The following THBS1 variants were observed in gnomAD, a reference collection of about 807,000 sequenced individuals.
The protein encoded by THBS1 is thrombospondin 1, also known as thrombospondin-1.
Under a neutral mutation model 126.1 loss-of-function variants are expected in THBS1, and 29 were observed. That is an observed-to-expected ratio of 0.23 (90% CI 0.17 to 0.31). The LOEUF (loss-of-function observed/expected upper bound fraction) is 0.31. Among genes scored for constraint, THBS1 ranks in the 10% least tolerant of loss-of-function variants. The probability of loss-of-function intolerance (pLI) is 1.00; values close to 1 mark genes in which losing one functional copy is unlikely to be tolerated. For missense variants in THBS1, 1,198 were observed against 1,545.2 expected (o/e 0.78, Z 3.77); for synonymous variants, 496 against 577.8 (o/e 0.86, Z 2.03).
chr15:39,581,935 G>A lies in THBS1; in HGVS notation c.67+11G>A. 1 of 1,614,084 alleles carries A rather than the reference G, an allele frequency of 6.2e-7. No individual in the cohort carries two copies. The highest frequency in any genetic ancestry group is 1.1e-5 in the South Asian group (1 of 91,080). On this transcript the variant is annotated intron_variant, in intron 2 of 21. Transcript: ENST00000260356. ...CCAACCGCATTCCAGGTGAGTTTGTGTGGCACCTTTAGGGGAAGGAGGGAC... is the reference window on the plus strand; with the variant it reads ...CCAACCGCATTCCAGGTGAGTTTGTATGGCACCTTTAGGGGAAGGAGGGAC...
rs374856624 is a variant in THBS1 at position 39,589,818 on chromosome 15, G to A, written c.1940G>A (p.Arg647His). Residue 647 changes from arginine to histidine, a missense_variant, in exon 13 of 22, where the codon CGT becomes CAT. Physicochemically the swap from Arg to His is conservative, Grantham distance 29. Coordinates refer to ENST00000260356, the MANE Select transcript of THBS1 (RefSeq NM_003246.4). The surrounding 1 kb of genome is among the most constrained non-coding windows in gnomAD (Gnocchi z 4.7). ...ATANKQVCKP[R>H]NPCTDGTHDC... ...GTGTACCCTCAGGTGTGCAAGCCCCGTAACCCCTGCACGGATGGGACCCAC... is the reference window on the plus strand; with the variant it reads ...GTGTACCCTCAGGTGTGCAAGCCCCATAACCCCTGCACGGATGGGACCCAC... The A allele has an allele frequency of 2.6e-5, 42 of 1,611,620 alleles. No individual in the cohort carries two copies. The highest frequency in any genetic ancestry group is 4.5e-5 in the East Asian group (2 of 44,870).
At chr15:39,583,590 C>G (rs769606828) in intron 3 of THBS1, 27 bp from the exon 4 acceptor site, 2 of 1,024,082 alleles carry the variant, frequency 2.0e-6, no homozygotes, top group South Asian at 2.5e-5. Flanking sequence ...CTGCATTCTA[C>G]AAGTAATGTG....
In THBS1 at chr15:39,593,383, G is replaced by C. The variant is rs749789218; in HGVS notation, c.2996-14G>C. The C allele has an allele frequency of 4.3e-6, 7 of 1,613,492 alleles. No individual in the cohort carries two copies. In the South Asian group the frequency reaches 5.5e-5, roughly 13 times the overall value. On this transcript the variant is annotated splice_polypyrimidine_tract_variant and intron_variant, in intron 18 of 21. Coordinates refer to ENST00000260356, the MANE Select transcript of THBS1 (RefSeq NM_003246.4). The surrounding 1 kb of genome is among the most constrained non-coding windows in gnomAD (Gnocchi z 5.9). The stretch of plus-strand genomic sequence containing the variant: ...GGCTGCAGGTTTTAACCTGGCTCTG[G>C]GCTCTTCTTCCAGGTTATGATGAGT...
intron 5 of THBS1, 43 bp from the exon 6 acceptor site, chr15:39,584,257 C>G: frequency 6.2e-7 from 1 of 1,614,178 alleles, no homozygotes; most frequent in South Asian, 1.1e-5. Flanking sequence ...TCCCAAATGA[C>G]TGAAAATGCG....
chr15:39,582,693 G>C lies in THBS1; in HGVS notation c.568G>C (p.Asp190His). 6.2e-7 allele frequency: 1 copy of C among 1,613,480 alleles called. No homozygotes were observed. The highest frequency in any genetic ancestry group is 8.5e-7 in the Non-Finnish European group (1 of 1,180,020). The change falls in exon 3 of 22, where the codon GAC becomes CAC. Residue 190 changes from aspartate to histidine, a missense_variant. Physicochemically the swap from Asp to His is moderately conservative, Grantham distance 81 (BLOSUM62 -1). Coordinates refer to ENST00000260356, the MANE Select transcript of THBS1 (RefSeq NM_003246.4). ...CCCCATCCAAAGCGTCTTCACCAGA[G>C]ACCTGGCCAGCATCGCCAGACTCCG... ...DVPIQSVFTR[D>H]LASIARLRIA...
At chr15:39,582,168 CTT>C (rs1334136810) in intron 2 of THBS1, 23 bp from the exon 3 acceptor site, 1 of 1,563,010 alleles carries the variant, frequency 6.4e-7, no homozygotes, top group Non-Finnish European at 8.7e-7. Flanking sequence ...AGAAAGCTCA[CTT>C]TGTGTTCTCT....
At chr15:39,584,523 C>G (rs1890174825) in intron 6 of THBS1, 101 bp downstream of exon 6, 1 of 1,479,736 alleles carries the variant, frequency 6.8e-7, no homozygotes, top group African/African-American at 1.4e-5. Flanking sequence ...TTTTTATGTT[C>G]CATGGCCTGA....
Position 39,589,437 on chromosome 15 carries a change from C to A in THBS1, c.1926+83C>A. ...ACTGGGAGCGGGAGGAATGTAATTT[C>A]ATACCCTTCACCAAAAAAAAAAGGG... On this transcript the variant is annotated intron_variant, in intron 12 of 21. Coordinates refer to ENST00000260356, the MANE Select transcript of THBS1 (RefSeq NM_003246.4). The surrounding 1 kb of genome is among the most constrained non-coding windows in gnomAD (Gnocchi z 4.7). 2.0e-6 allele frequency: 3 copies of A among 1,517,964 alleles called. No individual in the cohort carries two copies. Among genetic ancestry groups the A allele is most frequent in the Non-Finnish European group, 1.8e-6 (2 of 1,124,892 alleles). 94.0% of individuals were successfully genotyped at this position (1,517,964 alleles called of 1,614,324 possible).
intron 14 of THBS1, 179 bp from the exon 15 acceptor site, chr15:39,591,012 T>C (rs1890315697): frequency 1.3e-5 from 9 of 682,354 alleles, no homozygotes; most frequent in Non-Finnish European, 2.1e-5. Flanking sequence ...ATCCATTTTT[T>C]TAACTATGTC....
chr15:39,594,018 A>G lies in THBS1; in HGVS notation c.3268-81A>G. The G allele has an allele frequency of 7.0e-7, 1 of 1,424,060 alleles. No individual in the cohort carries two copies. The highest frequency in any genetic ancestry group is 9.6e-7 in the Non-Finnish European group (1 of 1,042,492). The allele number at this position is 1,424,060 out of a possible 1,614,324, so 88.2% of individuals were successfully genotyped here. A position where few individuals can be genotyped will look rare whatever the true frequency, so the allele number is the denominator to read the frequency against. ...ACTTAGATCAGCTCAGTACCTTTCA[A>G]GCATTGTTTCTGATGGAATGAAATA... On this transcript the variant is annotated intron_variant, in intron 19 of 21. Transcript: ENST00000260356. The surrounding 1 kb of genome is among the most constrained non-coding windows in gnomAD (Gnocchi z 4.4).
In THBS1 at chr15:39,593,690, C is replaced by A. The variant is rs1279522502; in HGVS notation, c.3267+22C>A. On this transcript the variant is annotated intron_variant, in intron 19 of 21. Coordinates refer to ENST00000260356, the MANE Select transcript of THBS1 (RefSeq NM_003246.4). The surrounding 1 kb of genome is among the most constrained non-coding windows in gnomAD (Gnocchi z 5.9). ...CCAGGTAAGAAGCAAAGCCCTGGAA[C>A]AGAGAGAGAGCTTATGGGTGCCTGA... is the stretch of plus-strand genomic sequence containing the variant. The A allele has an allele frequency of 6.2e-7, 1 of 1,610,404 alleles. No homozygotes were observed. Among genetic ancestry groups the A allele is most frequent in the Non-Finnish European group, 8.5e-7 (1 of 1,178,674 alleles).
chr15:39,592,919 G>A lies in THBS1; in HGVS notation c.2768-81G>A. ...GATGAAGGGACCAAATGCCAACTTA[G>A]ACAAGATAGTGACATTTCTGACACC... On this transcript the variant is annotated intron_variant, in intron 17 of 21. Coordinates refer to ENST00000260356, the MANE Select transcript of THBS1 (RefSeq NM_003246.4). The surrounding 1 kb of genome is among the most constrained non-coding windows in gnomAD (Gnocchi z 4.3). The A allele has an allele frequency of 1.3e-6, 2 of 1,553,026 alleles. No individual in the cohort carries two copies. The highest frequency in any genetic ancestry group is 2.3e-5 in the South Asian group (2 of 86,958).
intron 6 of THBS1, among the ~76,000 whole-genome samples, chr15:39,585,123 A>C (rs1229630364): frequency 1.3e-5 from 2 of 152,222 alleles, no homozygotes; most frequent in Non-Finnish European, 2.9e-5. Flanking sequence ...ATAAAAATGT[A>C]AAAGTCCTGG....
chr15:39,581,639 C>CTCT, intron 1 of THBS1, 190 bp from the exon 2 acceptor site: 1 of 363,910 alleles, frequency 2.7e-6, no homozygotes, highest in Non-Finnish European at 4.8e-6. Flanking sequence ...CTTTCCTCCA[C>CTCT]CTCTCTCTCT....
In THBS1 at chr15:39,589,118, A is replaced by G. The variant is rs1322140476; in HGVS notation, c.1773+32A>G. 6.2e-7 allele frequency: 1 copy of G among 1,612,718 alleles called. No homozygotes were observed. Among genetic ancestry groups the G allele is most frequent in the African/African-American group, 1.3e-5 (1 of 75,010 alleles). On this transcript the variant is annotated intron_variant, in intron 11 of 21. Transcript: ENST00000260356. The surrounding 1 kb of genome is among the most constrained non-coding windows in gnomAD (Gnocchi z 4.7). Reference sequence around the variant, plus strand: ...AACTGATGGGGCTCCGAGTTTCTGGATCTAGGAAAGCAGCTAACCTGTGCA... The same window carrying G: ...AACTGATGGGGCTCCGAGTTTCTGGGTCTAGGAAAGCAGCTAACCTGTGCA...
Position 39,588,204 on chromosome 15 carries a change from A to C in THBS1, c.1457A>C (p.Lys486Thr), listed in dbSNP as rs1890246239. ...GCGCGGGAGACCAAAGCCTGCAAGA[A>C]AGACGCCTGCCCCAGTAAGTGTGAG... is the stretch of plus-strand genomic sequence containing the variant. ...GEARETKACK[K>T]DACPINGGWG... Residue 486 changes from lysine (K) to threonine (T), a missense_variant, in exon 9 of 22, where the codon AAA (lysine) becomes ACA (threonine). Transcript: ENST00000260356. 6.2e-7 allele frequency: 1 copy of C among 1,613,622 alleles called. No individual in the cohort carries two copies. The highest frequency in any genetic ancestry group is 1.7e-5 in the Admixed American group (1 of 59,990).
chr15:39,597,280 G>GTTTTTTTTTTTTTTTTTTTTT lies in THBS1; in HGVS notation c.*1912_*1932dup. 1,247 of 47,998 alleles carry GTTTTTTTTTTTTTTTTTTTTT rather than the reference G, an allele frequency of 0.026. 6 individuals carry two copies. The highest frequency in any genetic ancestry group is 0.037 in the East Asian group (53 of 1,436). The allele number at this position is 47,998 out of a possible 1,614,324, so 3.0% of individuals were successfully genotyped here. On this transcript the variant is annotated 3_prime_UTR_variant, in exon 22 of 22. Coordinates refer to ENST00000260356, the MANE Select transcript of THBS1 (RefSeq NM_003246.4). The stretch of plus-strand genomic sequence containing the variant: ...GTTGGTTTTTTCTTTTTTTTGTTTT[G>GTTTTTTTTTTTTTTTTTTTTT]TTTTTTTTTTTTTTTTTTTTTGCTT...
At position 39,587,351 on chromosome 15, in the gene THBS1, C is replaced by T. The variant is rs755009072; in HGVS notation, c.1125C>T (p.Ser375=). Residue 375 remains serine, a synonymous_variant, in exon 8 of 22, where the codon AGC becomes AGT. Coordinates refer to ENST00000260356, the MANE Select transcript of THBS1 (RefSeq NM_003246.4). The stretch of plus-strand genomic sequence containing the variant: ...GAACCTCTGTTTCCCCTGCAGCCAG[C>T]GACTCTGCGGACGATGGCTGGTCTC... The part of the protein sequence containing the change: ...DGECCPRCWP[S]DSADDGWSPW... 3 of 1,610,568 alleles carry T rather than the reference C, an allele frequency of 1.9e-6. No homozygotes were observed. The highest frequency in any genetic ancestry group is 1.7e-5 in the Admixed American group (1 of 59,884).
rs1281331216 is a variant in THBS1, at chr15:39,588,600, A to C, written c.1546A>C (p.Ser516Arg). Residue 516 changes from serine (S) to arginine (R), a missense_variant, in exon 10 of 22, where the codon AGT (serine) becomes CGT (arginine). Physicochemically the swap from Ser to Arg is moderately radical, Grantham distance 110. This residue lies in a region of THBS1 where 663 missense variants were observed against 860.1 expected (regional missense o/e 0.77). Transcript: ENST00000260356. ...VTCGGGVQKRSRLCNNPTPQF... is the reference protein window; with the variant it reads ...VTCGGGVQKRRRLCNNPTPQF... The stretch of plus-strand genomic sequence containing the variant: ...CTGTGGAGGAGGGGTACAGAAACGT[A>C]GTCGTCTCTGCAACAACCCCACACC... 1 of 1,610,698 alleles carries C rather than the reference A, an allele frequency of 6.2e-7. No homozygotes were observed. Among genetic ancestry groups the C allele is most frequent in the South Asian group, 1.1e-5 (1 of 90,284 alleles).
Sources: allele counts gnomAD v4.1 joint callset (sites outside exome capture counted in the v4.1 genomes callset), GRCh38; gene constraint gnomAD v4.1.1; regional missense constraint gnomAD v4.1.1; non-coding constraint Gnocchi (gnomAD v3.1); transcripts MANE v1.5; gene names NCBI Gene and HGNC (gene_info 2026-07-23, HGNC 2026-07-21).